Variants in PLEKHH1 observed in about 807,000 individuals in gnomAD.
PLEKHH1 encodes the protein pleckstrin homology domain-containing family H member 1.
Under a neutral mutation model 160.0 loss-of-function variants are expected in PLEKHH1, and 104 were observed. That is an observed-to-expected ratio of 0.65 (90% CI 0.55 to 0.76). PLEKHH1 has a LOEUF of 0.76. Among genes scored for constraint, PLEKHH1 ranks in the 30% least tolerant of loss-of-function variants. The pLI is 0.00. For synonymous variants in PLEKHH1, 619 were observed against 678.4 expected, an observed-to-expected ratio of 0.91 and a Z score of 1.36; for missense variants, 1,427 against 1,724.1, an observed-to-expected ratio of 0.83 and a Z score of 3.05.
At chr14:67,542,110 T>C in intron 2 of PLEKHH1, 117 bp downstream of exon 2, 1 of 979,860 alleles carries the variant, frequency 1.0e-6, no homozygotes, top group Non-Finnish European at 1.4e-6. Flanking sequence ...CTTTTCCCCA[T>C]ATGCAAAATG....
chr14:67,579,355 A>G (rs1343594248), intron 21 of PLEKHH1, 44 bp downstream of exon 21: 3 of 1,413,178 alleles, frequency 2.1e-6, no homozygotes, highest in Non-Finnish European at 2.8e-6. Context: ...TTCTCACGTC[A>G]CCATCCAGAG....
chr14:67,559,667 A>G lies in PLEKHH1; in HGVS notation c.399A>G (p.Glu133=). Reference sequence around the variant, plus strand: ...AAGAAAAAGCTGCAAAGATCAAGGAATGGGTGACACTCAAGTTGGCAAAGG... The same window carrying G: ...AAGAAAAAGCTGCAAAGATCAAGGAGTGGGTGACACTCAAGTTGGCAAAGG... ...TVQEKAAKIK[E]WVTLKLAKLE... is the part of the protein sequence containing the mutation. The change falls in exon 5 of 29, where the codon GAA becomes GAG. Residue 133 remains glutamate (E), a synonymous_variant. Coordinates refer to ENST00000329153, the MANE Select transcript of PLEKHH1 (RefSeq NM_020715.3). 6.2e-7 allele frequency: 1 copy of G among 1,606,628 alleles called. No individual in the cohort carries two copies.
intron 4 of PLEKHH1, 77 bp downstream of exon 4, chr14:67,557,495 C>G: frequency 7.2e-7 from 1 of 1,391,164 alleles, no homozygotes; most frequent in Non-Finnish European, 9.9e-7. Flanking sequence ...CTGAGCTGTT[C>G]CGCTCAAGCC....
chr14:67,579,237 A>G lies in PLEKHH1; in HGVS notation c.2953A>G (p.Ile985Val). 1 of 1,609,938 alleles carries G rather than the reference A, an allele frequency of 6.2e-7. No homozygotes were observed. Among genetic ancestry groups the G allele is most frequent in the South Asian group, 1.1e-5 (1 of 90,146 alleles). Residue 985 changes from isoleucine to valine, a missense_variant, in exon 21 of 29, where the codon ATC becomes GTC. Around this residue, in one of 6 missense-constraint regions of PLEKHH1, gnomAD observed 436 missense variants for 607.5 expected, o/e 0.72. Transcript: ENST00000329153. ...GCCATCGCGCATGGAAGTGGTGTCC[A>G]TCCTGCTGCGTAACCCCTTCCACCA... ...ARPSRMEVVS[I>V]LLRNPFHHSL...
intron 4 of PLEKHH1, among the ~76,000 whole-genome samples, 177 bp from the exon 5 acceptor site, chr14:67,559,431 T>C (rs1001925950): frequency 8.5e-5 from 13 of 152,186 alleles, no homozygotes; most frequent in Admixed American, 1.3e-4. Flanking sequence ...ATTTCCAGTT[T>C]TGAGTTTTTA....
chr14:67,564,310 G>T (rs2034982067), intron 7 of PLEKHH1, among the ~76,000 whole-genome samples: 1 of 152,130 alleles, frequency 6.6e-6, no homozygotes, highest in African/African-American at 2.4e-5. Context: ...TTCCTTACTT[G>T]TAACATTGGA....
chr14:67,583,522 C>CA (rs2036001370), intron 24 of PLEKHH1, among the ~76,000 whole-genome samples: 1 of 152,210 alleles, frequency 6.6e-6, no homozygotes, highest in African/African-American at 2.4e-5. Flanking sequence ...GCTGCAAAAT[C>CA]AAAGTTGGTC....
At chr14:67,547,834 AAGC>A (rs1156412394) in intron 2 of PLEKHH1, among the ~76,000 whole-genome samples, 1 of 152,230 alleles carries the variant, frequency 6.6e-6, no homozygotes, top group East Asian at 1.9e-4. Context: ...TTTTTTAAAA[AAGC>A]AGAAACATCA....
chr14:67,536,989 G>A (rs925940152), intron 1 of PLEKHH1, among the ~76,000 whole-genome samples: 20 of 151,232 alleles, frequency 1.3e-4, no homozygotes, highest in Non-Finnish European at 2.9e-5. Context: ...GCAGTGAGCC[G>A]AGATTGCACC....
intron 2 of PLEKHH1, among the ~76,000 whole-genome samples, chr14:67,544,592 A>G (rs1397681197): frequency 6.6e-6 from 1 of 152,268 alleles, no homozygotes; most frequent in Non-Finnish European, 1.5e-5. Context: ...AGACTATGAA[A>G]TAAATGAGTT....
chr14:67,586,250 G>T, intron 28 of PLEKHH1, 153 bp downstream of exon 28: 1 of 1,117,430 alleles, frequency 8.9e-7, no homozygotes, highest in Middle Eastern at 2.0e-4. Context: ...AAAGGTTCAG[G>T]TGGTGTTGCA....
In PLEKHH1 at chr14:67,579,202, G is replaced by A. The variant is rs755668835; in HGVS notation, c.2918G>A (p.Arg973Gln). 9.3e-6 allele frequency: 15 copies of A among 1,611,184 alleles called. No homozygotes were observed. The East Asian group carries it at 1.8e-4, about 19-fold the overall frequency. ...AVERTLRTGE[R>Q]EARPSRMEVV... ...GAGCGGACCCTGCGGACCGGGGAGC[G>A]GGAAGCCAGGCCATCGCGCATGGAA... Residue 973 changes from arginine to glutamine, a missense_variant, in exon 21 of 29, where the codon CGG becomes CAG. Transcript: ENST00000329153.
chr14:67,563,591 G>A (rs1456039694), intron 7 of PLEKHH1, among the ~76,000 whole-genome samples: 4 of 151,770 alleles, frequency 2.6e-5, no homozygotes, highest in African/African-American at 7.3e-5. Context: ...GCACCACCAC[G>A]CCCAGCTAAT....
chr14:67,545,289 T>A (rs950640869), intron 2 of PLEKHH1, among the ~76,000 whole-genome samples: 1 of 152,236 alleles, frequency 6.6e-6, no homozygotes. Flanking sequence ...AGAAGGTTTG[T>A]ACATTTCTAC....
chr14:67,568,955 C>G (rs1405526521), intron 7 of PLEKHH1, 183 bp from the exon 8 acceptor site: 1 of 572,434 alleles, frequency 1.7e-6, no homozygotes, highest in African/African-American at 1.9e-5. Flanking sequence ...GTATTATTAC[C>G]TCCATTTAGA....
chr14:67,552,105 C>A (rs1220284271), intron 2 of PLEKHH1, among the ~76,000 whole-genome samples: 1 of 152,196 alleles, frequency 6.6e-6, no homozygotes, highest in Non-Finnish European at 1.5e-5. Flanking sequence ...TGCACTTCAT[C>A]AGGTTGCTGC....
In PLEKHH1 at chr14:67,541,838, C is replaced by T. The variant is rs763788355; in HGVS notation, c.-30C>T. The T allele has an allele frequency of 1.3e-5, 21 of 1,565,862 alleles. No homozygotes were observed. The highest frequency in any genetic ancestry group is 1.8e-5 in the Non-Finnish European group (21 of 1,155,836). On this transcript the variant is annotated 5_prime_UTR_variant, in exon 2 of 29. Coordinates refer to ENST00000329153, the MANE Select transcript of PLEKHH1 (RefSeq NM_020715.3). Reference sequence around the variant, plus strand: ...TTTCTGCATGCTGGTTCTTAGGGCTCCCCAGAATAATCCAGAAGTCGATTC... The same window carrying T: ...TTTCTGCATGCTGGTTCTTAGGGCTTCCCAGAATAATCCAGAAGTCGATTC...
chr14:67,541,770 T>C, intron 1 of PLEKHH1, 64 bp from the exon 2 acceptor site: 1 of 1,155,884 alleles, frequency 8.7e-7, no homozygotes, highest in South Asian at 1.7e-5. Flanking sequence ...TCCCGTTCTT[T>C]CCCCACAGAA....
Position 67,587,556 on chromosome 14 carries a change from C to T in PLEKHH1, c.*321C>T. The T allele has an allele frequency of 5.8e-6, 2 of 346,190 alleles. No individual in the cohort carries two copies. The highest frequency in any genetic ancestry group is 1.1e-5 in the Non-Finnish European group (2 of 183,246). The allele number at this position is 346,190 out of a possible 1,614,324, so 21.4% of individuals were successfully genotyped here. On this transcript the variant is annotated 3_prime_UTR_variant, in exon 29 of 29. Coordinates refer to ENST00000329153, the MANE Select transcript of PLEKHH1 (RefSeq NM_020715.3). ...AGGGCATCAGTGCTATAAGTTAAGG[C>T]TTTCTGCACTGGTACTCTCAAGGAA...
Sources: gnomAD v4.1 joint callset for allele counts (sites outside exome capture counted in the v4.1 genomes callset) on GRCh38, gnomAD v4.1.1 for gene constraint, gnomAD v4.1.1 regional missense constraint, MANE v1.5 for transcripts, NCBI Gene and HGNC (gene_info 2026-07-23, HGNC 2026-07-21) for gene names.